The following ANO1 variants were observed in gnomAD, a reference collection of about 807,000 sequenced individuals.
The protein encoded by ANO1 is anoctamin 1.
In ANO1, 59 loss-of-function variants were observed where a neutral mutation model predicts 124.0. That is an observed-to-expected ratio of 0.48 (90% CI 0.39 to 0.59). The LOEUF is 0.59. ANO1 is among the 20% of genes least tolerant of loss of function. ANO1 has a pLI of 0.00. For missense variants in ANO1, 1,059 were observed against 1,328.0 expected (o/e 0.80, Z 3.15); for synonymous variants, 529 against 532.0 (o/e 0.99, Z 0.08).
chr11:70,153,932 AT>A (rs1460800425), intron 14 of ANO1, among the ~76,000 whole-genome samples: 3 of 151,972 alleles, frequency 2.0e-5, no homozygotes, highest in Admixed American at 1.3e-4. Context: ...TGTCCAGCTA[AT>A]TTTTTGTATT....
chr11:70,034,613 G>C (rs977968087), intron 1 of ANO1, among the ~76,000 whole-genome samples: 65 of 152,300 alleles, frequency 4.3e-4, no homozygotes, highest in African/African-American at 1.4e-3. Context: ...CGCAAGCTTG[G>C]ATGGTCTCTA....
At chr11:70,039,024 G>A (rs1555004760) in intron 1 of ANO1, among the ~76,000 whole-genome samples, 1 of 152,136 alleles carries the variant, frequency 6.6e-6, no homozygotes, top group African/African-American at 2.4e-5. Context: ...ATATTTCTGG[G>A]GTAAGAAATT....
At chr11:70,163,836 G>T (rs990816761) in intron 19 of ANO1, among the ~76,000 whole-genome samples, 5 of 151,942 alleles carry the variant, frequency 3.3e-5, no homozygotes, top group Non-Finnish European at 5.9e-5. Flanking sequence ...TACTCGGGAG[G>T]CTGAGGCATG....
chr11:70,042,702 G>A (rs1225042986), intron 1 of ANO1, among the ~76,000 whole-genome samples: 1 of 152,172 alleles, frequency 6.6e-6, no homozygotes, highest in African/African-American at 2.4e-5. Flanking sequence ...CTTACAGAGG[G>A]CTGGGAATAG....
intron 1 of ANO1, among the ~76,000 whole-genome samples, chr11:70,030,250 C>T (rs72939623): frequency 0.1 from 15,523 of 152,272 alleles, 971 homozygotes; most frequent in Non-Finnish European, 0.14. Context: ...GGGAAATTGG[C>T]ATCTGGAGCC....
At chr11:70,169,382 G>A (rs59331567) in intron 21 of ANO1, among the ~76,000 whole-genome samples, 17,891 of 151,790 alleles carry the variant, frequency 0.12, 1,146 homozygotes, top group Middle Eastern at 0.16. Flanking sequence ...CTCCTCCCAG[G>A]AAGTCTCAAG....
At position 69,992,980 on chromosome 11, in the gene ANO1, G is replaced by A. The variant is rs547349461; in HGVS notation, c.58+6814G>A. Among the ~76,000 whole-genome samples, 16 of 152,338 alleles carry A rather than the reference G, an allele frequency of 1.1e-4. No homozygotes were observed. In the South Asian group the frequency reaches 1.7e-3, roughly 16 times the overall value. On this transcript the variant is annotated intron_variant, in intron 1 of 27. Coordinates refer to the ANO1 transcript ENST00000531349. ...TGGAAGGGGACCCACACATACAGTA[G>A]ATGCCCTCCTGGTAATTTCAGCTTC...
chr11:69,997,068 TGTGGGTG>T (rs11267424), intron 1 of ANO1, among the ~76,000 whole-genome samples: 130,466 of 151,592 alleles, frequency 0.86, 56,876 homozygotes, highest in East Asian at 0.98. Flanking sequence ...CTCCCTGGGT[TGTGGGTG>T]GTGGGTGGAA....
In ANO1 at chr11:70,167,247, T is replaced by A. The variant is rs758993123; in HGVS notation, c.2057T>A (p.Met686Lys). The A allele has an allele frequency of 6.2e-7, 1 of 1,613,908 alleles. No individual in the cohort carries two copies. The highest frequency in any genetic ancestry group is 1.1e-5 in the South Asian group (1 of 91,078). The change falls in exon 21 of 26, where the codon ATG becomes AAG. Residue 686 changes from methionine (M) to lysine (K), a missense_variant. Physicochemically the swap from Met to Lys is moderately conservative, Grantham distance 95. Coordinates refer to ENST00000355303, the MANE Select transcript of ANO1 (RefSeq NM_018043.7). ...CATGATGTCTCATCTCTCAGGAAGATGAAGAAGCTCATCCGCTACCTGAAG... is the reference window on the plus strand; with the variant it reads ...CATGATGTCTCATCTCTCAGGAAGAAGAAGAAGCTCATCCGCTACCTGAAG... ...NNLFEIGIPK[M>K]KKLIRYLKLK...
chr11:70,024,762 A>G (rs538709695), intron 1 of ANO1, among the ~76,000 whole-genome samples: 1 of 152,362 alleles, frequency 6.6e-6, no homozygotes, highest in African/African-American at 2.4e-5. Flanking sequence ...AGCCCCGCTG[A>G]CAGCCTGGAC....
At chr11:69,967,313 G>T in the ANO1 span, among the ~76,000 whole-genome samples, 1 of 152,138 alleles carries the variant, frequency 6.6e-6, no homozygotes, top group African/African-American at 2.4e-5. Context: ...TCGCACATTA[G>T]CTAGCATCAG....
the ANO1 span, among the ~76,000 whole-genome samples, chr11:69,979,680 C>T: frequency 6.6e-6 from 1 of 152,218 alleles, no homozygotes; most frequent in Non-Finnish European, 1.5e-5. Context: ...AAGCAATCCT[C>T]ATTCTTCCTT....
intron 1 of ANO1, among the ~76,000 whole-genome samples, chr11:70,054,214 C>G (rs1468823633): frequency 2.0e-5 from 3 of 152,232 alleles, no homozygotes; most frequent in Admixed American, 1.3e-4. Flanking sequence ...CCACACACCC[C>G]TTCCGAGACC....
At chr11:70,183,053 G>T (rs1164292912) in intron 24 of ANO1, among the ~76,000 whole-genome samples, 3 of 152,194 alleles carry the variant, frequency 2.0e-5, no homozygotes, top group East Asian at 3.8e-4. Context: ...AGGCTGCAGT[G>T]AGCTATGATC....
intron 5 of ANO1, 53 bp from the exon 6 acceptor site, chr11:70,108,300 T>C (rs2045637495): frequency 1.3e-6 from 2 of 1,565,700 alleles, no homozygotes; most frequent in Non-Finnish European, 1.8e-6. Context: ...CTGTTTCTGC[T>C]CGTGGAAGGT....
the ANO1 span, among the ~76,000 whole-genome samples, chr11:69,974,462 C>T: frequency 6.6e-6 from 1 of 152,220 alleles, no homozygotes; most frequent in African/African-American, 2.4e-5. Flanking sequence ...TGAACGACCG[C>T]TTTACAGATG....
At chr11:70,167,430 C>A in intron 21 of ANO1, 43 bp downstream of exon 21, 2 of 1,581,412 alleles carry the variant, frequency 1.3e-6, no homozygotes, top group Non-Finnish European at 8.6e-7. Context: ...AGGATAGAAA[C>A]AGGCCAGCAT....
rs1430344959 is a variant in ANO1, at chr11:70,095,384, AAGAAAGAAAGAAAG to A, written c.441+7302_441+7315del. Among the ~76,000 whole-genome samples the A allele has an allele frequency of 7.8e-4, 28 of 35,862 alleles. 2 individuals carry two copies. The highest frequency in any genetic ancestry group is 2.0e-3 in the African/African-American group (26 of 12,972). The allele number at this position is 35,862 out of a possible 152,430, so 23.5% of individuals were successfully genotyped here. A position where few individuals can be genotyped will look rare whatever the true frequency, so the allele number is the denominator to read the frequency against. On this transcript the variant is annotated intron_variant, in intron 2 of 25. Coordinates refer to ENST00000355303, the MANE Select transcript of ANO1 (RefSeq NM_018043.7). ...AAAGAAAGAAAGAAAGAAAGAAAGA[AAGAAAGAAAGAAAG>A]AAAGAAAGAAAGAAAGAAAGAAAGA...
At chr11:70,178,519 T>C (rs559778875) in intron 22 of ANO1, among the ~76,000 whole-genome samples, 277 of 151,888 alleles carry the variant, frequency 1.8e-3, no homozygotes, top group Non-Finnish European at 2.7e-3. Flanking sequence ...AGTGTGACTG[T>C]CACTTCTCAA....
Sources: allele counts gnomAD v4.1 joint callset (sites outside exome capture counted in the v4.1 genomes callset), GRCh38; gene constraint gnomAD v4.1.1; transcripts MANE v1.5; gene names NCBI Gene and HGNC (gene_info 2026-07-23, HGNC 2026-07-21).